Variants in PRKG1 observed in about 807,000 individuals in gnomAD.
PRKG1 encodes protein kinase cGMP-dependent 1.
A neutral mutation model predicts 88.1 loss-of-function variants in PRKG1; 35 were observed. That is an observed-to-expected ratio of 0.40 (90% CI 0.30 to 0.53). The LOEUF (loss-of-function observed/expected upper bound fraction) is 0.53, where lower values mean the gene tolerates loss of function less well. Among genes scored for constraint, PRKG1 ranks in the 20% least tolerant of loss-of-function variants. The probability of loss-of-function intolerance (pLI) is 0.59; values close to 1 mark genes in which losing one functional copy is unlikely to be tolerated. For synonymous variants in PRKG1, 303 were observed against 292.5 expected, an observed-to-expected ratio of 1.04 and a Z score of -0.37; for missense variants, 540 against 839.8, an observed-to-expected ratio of 0.64 and a Z score of 4.41.
At chr10:51,452,967 CTGTT>C (rs1312066996) in intron 2 of PRKG1, among the ~76,000 whole-genome samples, 1 of 151,910 alleles carries the variant, frequency 6.6e-6, no homozygotes, top group Admixed American at 6.6e-5. Flanking sequence ...TTCAATCTCA[CTGTT>C]TGTTATTGGT....
intron 1 of PRKG1, among the ~76,000 whole-genome samples, chr10:51,049,691 T>C (rs1589123305): frequency 6.6e-6 from 1 of 152,326 alleles, no homozygotes; most frequent in African/African-American, 2.4e-5. Context: ...AATAAAAAGT[T>C]CTATGTTTTG....
At chr10:51,700,537 A>C (rs1408801317) in intron 3 of PRKG1, among the ~76,000 whole-genome samples, 4 of 152,196 alleles carry the variant, frequency 2.6e-5, no homozygotes, top group African/African-American at 9.7e-5. Flanking sequence ...TTCTGCTGTT[A>C]GCTTTGCAGG....
chr10:51,525,866 C>T (rs1361637455), intron 3 of PRKG1, among the ~76,000 whole-genome samples: 4 of 151,376 alleles, frequency 2.6e-5, no homozygotes, highest in Non-Finnish European at 5.9e-5. Context: ...CATTCTGTCA[C>T]CCAGGCTGGA....
chr10:51,621,382 T>C (rs1839208165), intron 3 of PRKG1, among the ~76,000 whole-genome samples: 1 of 152,158 alleles, frequency 6.6e-6, no homozygotes, highest in Non-Finnish European at 1.5e-5. Flanking sequence ...TCACCTCATA[T>C]AACATTTTTT....
chr10:52,061,017 G>GA (rs1846223253), intron 6 of PRKG1, among the ~76,000 whole-genome samples: 1 of 151,914 alleles, frequency 6.6e-6, no homozygotes, highest in South Asian at 2.1e-4. Context: ...ATGGGTGAAT[G>GA]AAAACCTCAA....
chr10:51,074,946 G>A, intron 1 of PRKG1, 45 bp downstream of exon 1: 1 of 1,524,348 alleles, frequency 6.6e-7, no homozygotes, highest in Non-Finnish European at 8.9e-7. Flanking sequence ...CCCTGGCGAT[G>A]GGGAGCTGCG....
chr10:51,536,163 A>G (rs1216144029), intron 3 of PRKG1, among the ~76,000 whole-genome samples: 3 of 152,232 alleles, frequency 2.0e-5, no homozygotes, highest in East Asian at 3.8e-4. Context: ...AAAGAAGTAC[A>G]AAACAGAAGT....
chr10:51,620,023 G>A (rs552906445), intron 3 of PRKG1, among the ~76,000 whole-genome samples: 4 of 152,064 alleles, frequency 2.6e-5, no homozygotes, highest in Admixed American at 1.3e-4. Flanking sequence ...GCTCCTGTAA[G>A]TTGGCAGACA....
chr10:52,064,046 C>G (rs1490052930), intron 7 of PRKG1, among the ~76,000 whole-genome samples: 1 of 152,190 alleles, frequency 6.6e-6, no homozygotes, highest in African/African-American at 2.4e-5. Context: ...AGCCTGGCCT[C>G]CAGCCTTCAG....
At position 52,082,068 on chromosome 10, in the gene PRKG1, A is replaced by G. The variant is rs550245995; in HGVS notation, c.935+19437A>G. ...AACTTACAATCATGGTGTACAGGGAAGCAAACACATCCTTCTTCACATGAA... is the reference window on the plus strand; with the variant it reads ...AACTTACAATCATGGTGTACAGGGAGGCAAACACATCCTTCTTCACATGAA... On this transcript the variant is annotated intron_variant, in intron 7 of 17. Transcript: ENST00000373980. 1.4e-4 allele frequency among the ~76,000 whole-genome samples: 21 copies of G among 152,234 alleles called. 1 individual carries two copies. In the South Asian group the frequency reaches 4.4e-3, roughly 32 times the overall value.
At chr10:51,812,724 T>G (rs1389901997) in intron 4 of PRKG1, among the ~76,000 whole-genome samples, 1 of 152,130 alleles carries the variant, frequency 6.6e-6, no homozygotes, top group Non-Finnish European at 1.5e-5. Context: ...AATGCTTCGT[T>G]GTTGTTGCAC....
chr10:51,169,819 T>C (rs1448403356), intron 2 of PRKG1, among the ~76,000 whole-genome samples: 2 of 152,152 alleles, frequency 1.3e-5, no homozygotes, highest in Non-Finnish European at 2.9e-5. Context: ...ACATAATATA[T>C]GTCAAGCATC....
intron 7 of PRKG1, among the ~76,000 whole-genome samples, chr10:52,103,776 A>C (rs1198526961): frequency 1.3e-5 from 2 of 151,918 alleles, no homozygotes; most frequent in Non-Finnish European, 2.9e-5. Context: ...TTAATTAAGG[A>C]AGACTAAATA....
At chr10:51,616,963 A>G (rs769281522) in intron 3 of PRKG1, among the ~76,000 whole-genome samples, 3 of 152,132 alleles carry the variant, frequency 2.0e-5, no homozygotes, top group Non-Finnish European at 4.4e-5. Context: ...CCAGGACAGT[A>G]GGCCATCTGT....
At chr10:51,632,871 T>G (rs965150927) in intron 3 of PRKG1, among the ~76,000 whole-genome samples, 1 of 152,206 alleles carries the variant, frequency 6.6e-6, no homozygotes, top group African/African-American at 2.4e-5. Flanking sequence ...GTTTCCCTTT[T>G]TAAACAGTAG....
At chr10:51,608,023 C>A (rs1838810852) in intron 3 of PRKG1, among the ~76,000 whole-genome samples, 1 of 152,108 alleles carries the variant, frequency 6.6e-6, no homozygotes, top group Non-Finnish European at 1.5e-5. Flanking sequence ...TTGCTGAAAA[C>A]ATATTTTCCC....
At position 51,667,139 on chromosome 10, in the gene PRKG1, A is replaced by ATT. The variant is rs1217501242; in HGVS notation, c.593-137445_593-137444dup. Among the ~76,000 whole-genome samples, 6 of 152,338 alleles carry ATT rather than the reference A, an allele frequency of 3.9e-5. No individual in the cohort carries two copies. The East Asian group carries it at 1.2e-3, about 29-fold the overall frequency. On this transcript the variant is annotated intron_variant, in intron 3 of 17. Coordinates refer to ENST00000373980, the MANE Select transcript of PRKG1 (RefSeq NM_006258.4). ...AACTAAAGACTCCAAAATATTGTTA[A>ATT]TTATATATAAATGTACTGCCAAAAG...
At chr10:51,647,300 C>A (rs1230281060) in intron 3 of PRKG1, among the ~76,000 whole-genome samples, 1 of 152,144 alleles carries the variant, frequency 6.6e-6, no homozygotes, top group African/African-American at 2.4e-5. Context: ...TCACACTTAA[C>A]TTTTCAGACA....
intron 2 of PRKG1, among the ~76,000 whole-genome samples, chr10:51,334,167 TCTC>T (rs1190557185): frequency 1.1e-5 from 1 of 88,978 alleles, no homozygotes; most frequent in Non-Finnish European, 2.9e-5. Context: ...TCTCTCTCTC[TCTC>T]TCTCTCTCTC....
Sources: gnomAD v4.1 joint callset for allele counts (sites outside exome capture counted in the v4.1 genomes callset) on GRCh38, gnomAD v4.1.1 for gene constraint, MANE v1.5 for transcripts, NCBI Gene and HGNC (gene_info 2026-07-23, HGNC 2026-07-21) for gene names.